GSE1: variants seen among roughly 807,000 people sequenced by gnomAD.
GSE1 encodes genetic suppressor element 1.
GSE1 carries 32 observed loss-of-function variants against 112.6 expected under a neutral mutation model. The ratio of observed to expected loss-of-function variants is 0.28; its 90% CI spans 0.21 to 0.38. The LOEUF is 0.38. GSE1 is among the 10% of genes least tolerant of loss of function. The pLI, the probability that GSE1 is intolerant of heterozygous loss-of-function variation, is 1.00. For synonymous variants in GSE1, 1,115 were observed against 735.6 expected (o/e 1.52, Z -8.35); for missense variants, 2,348 against 1,699.2 (o/e 1.38, Z -6.71).
At chr16:85,438,649 C>T (rs2049307399) in intron 2 of GSE1, among the ~76,000 whole-genome samples, 1 of 152,226 alleles carries the variant, frequency 6.6e-6, no homozygotes, top group Non-Finnish European at 1.5e-5. Flanking sequence ...CTTCCAGAGC[C>T]TGCGTGTCCC....
chr16:85,625,765 G>A (rs1416135187), intron 1 of GSE1, among the ~76,000 whole-genome samples: 1 of 152,196 alleles, frequency 6.6e-6, no homozygotes, highest in Non-Finnish European at 1.5e-5. Context: ...GGTGGCTGCT[G>A]GGGGCCCTAG....
intron 2 of GSE1, among the ~76,000 whole-genome samples, chr16:85,530,398 A>C (rs1464263444): frequency 2.6e-5 from 4 of 152,164 alleles, no homozygotes; most frequent in Non-Finnish European, 5.9e-5. Context: ...CCATCTTGGG[A>C]TATAGGATAC....
In GSE1 at chr16:85,452,733, GGAGAGA is replaced by G. The variant is rs539490488; in HGVS notation, c.2464+95093_2464+95098del. On this transcript the variant is annotated intron_variant, in intron 2 of 2. Transcript: ENST00000637419. ...CCAGAGACCCTCAGCACAGGTCCTG[GGAGAGA>G]GACCCCTGGTGGGCGGTGCAGAACT... Among the ~76,000 whole-genome samples, 1,184 of 152,352 alleles carry G rather than the reference GGAGAGA, an allele frequency of 7.8e-3. 15 individuals carry two copies. Among genetic ancestry groups the G allele is most frequent in the African/African-American group, 0.027 (1,134 of 41,568 alleles).
At chr16:85,518,362 C>G (rs1009635755) in intron 2 of GSE1, among the ~76,000 whole-genome samples, 1 of 152,168 alleles carries the variant, frequency 6.6e-6, no homozygotes, top group South Asian at 2.1e-4. Flanking sequence ...GGTGCCCTGA[C>G]CGCGTGGCCG....
intron 2 of GSE1, among the ~76,000 whole-genome samples, chr16:85,441,386 G>A (rs1442180889): frequency 6.6e-6 from 1 of 152,220 alleles, no homozygotes; most frequent in Non-Finnish European, 1.5e-5. Flanking sequence ...CTGGCGTGGT[G>A]GCTCACGCCT....
intron 2 of GSE1, among the ~76,000 whole-genome samples, chr16:85,397,591 C>G (rs886867530): frequency 6.6e-6 from 1 of 152,204 alleles, no homozygotes; most frequent in African/African-American, 2.4e-5. Context: ...TCCAAAGTCA[C>G]CTTCCATGCA....
intron 5 of GSE1, 124 bp from the exon 6 acceptor site, chr16:85,655,602 A>G (rs2051850384): frequency 3.2e-6 from 2 of 627,870 alleles, no homozygotes; most frequent in Non-Finnish European, 5.6e-6. Context: ...CTTCATCCCC[A>G]GCCATTTTGT....
chr16:85,387,087 C>T (rs72813863), intron 2 of GSE1, among the ~76,000 whole-genome samples: 1 of 152,174 alleles, frequency 6.6e-6, no homozygotes, highest in Non-Finnish European at 1.5e-5. Context: ...TAGTGGGGTG[C>T]CCCTGCCACT....
intron 1 of GSE1, among the ~76,000 whole-genome samples, chr16:85,172,190 T>G (rs1451523980): frequency 6.6e-6 from 1 of 152,134 alleles, no homozygotes; most frequent in Admixed American, 6.5e-5. Context: ...GCCGTGCGGG[T>G]CACAGAGAGG....
At chr16:85,589,763 G>C (rs1168808258) in intron 1 of GSE1, among the ~76,000 whole-genome samples, 5 of 152,252 alleles carry the variant, frequency 3.3e-5, no homozygotes, top group Non-Finnish European at 7.4e-5. Context: ...GTGTGAACTT[G>C]TGTGACATTG....
intron 1 of GSE1, among the ~76,000 whole-genome samples, chr16:85,193,489 T>G (rs1227226911): frequency 6.6e-6 from 1 of 152,124 alleles, no homozygotes; most frequent in Non-Finnish European, 1.5e-5. Flanking sequence ...TGAGTTGGTC[T>G]CACCCTGTCG....
At position 85,672,426 on chromosome 16, in the gene GSE1, A is replaced by G. The variant is rs775407162; in HGVS notation, c.3541A>G (p.Lys1181Glu). 6.2e-7 allele frequency: 1 copy of G among 1,612,464 alleles called. No individual in the cohort carries two copies. The highest frequency in any genetic ancestry group is 8.5e-7 in the Non-Finnish European group (1 of 1,178,790). ...CCAGGAGTTGAGGAGCCAGAAACAG[A>G]AGATGGTCTCAGAAAGGGAGCGGCT... ...SVAELRSQKQKMVSERERLQA... is the reference protein window; with the variant it reads ...SVAELRSQKQEMVSERERLQA... The change falls in exon 16 of 16, where the codon AAG becomes GAG. Residue 1181 changes from lysine (K) to glutamate (E), a missense_variant. Lys to Glu is a moderately conservative substitution (Grantham distance 56). Coordinates refer to ENST00000253458, the MANE Select transcript of GSE1 (RefSeq NM_014615.5).
Position 85,387,920 on chromosome 16 carries a change from G to GTGGATGGA in GSE1, c.2464+30299_2464+30306dup, listed in dbSNP as rs58007210. On this transcript the variant is annotated intron_variant, in intron 2 of 2. Coordinates refer to the GSE1 transcript ENST00000637419. ...GATTTGTGAGTGGATAGGTGGGTGA[G>GTGGATGGA]TGGATGGATGGATGGATGGATGGAT... 7.7e-3 allele frequency among the ~76,000 whole-genome samples: 1,147 copies of GTGGATGGA among 149,048 alleles called. 28 individuals carry two copies. In the East Asian group the frequency reaches 0.093, roughly 12 times the overall value.
chr16:85,507,625 C>T (rs772467506), intron 2 of GSE1, among the ~76,000 whole-genome samples: 9 of 152,184 alleles, frequency 5.9e-5, no homozygotes, highest in African/African-American at 1.2e-4. Flanking sequence ...GGTGTGTGAA[C>T]GCCGTGTTCC....
chr16:85,566,624 G>A (rs1397721288), intron 1 of GSE1, among the ~76,000 whole-genome samples: 4 of 152,154 alleles, frequency 2.6e-5, no homozygotes, highest in East Asian at 1.9e-4. Context: ...CCAGTGCCCC[G>A]AGGCCGATGG....
chr16:85,239,240 G>T (rs1904975367), intron 1 of GSE1, among the ~76,000 whole-genome samples: 1 of 152,150 alleles, frequency 6.6e-6, no homozygotes, highest in African/African-American at 2.4e-5. Context: ...CCTGGCAGTG[G>T]CCTTTTTTAG....
Position 85,654,881 on chromosome 16 carries a change from C to T in GSE1, c.687C>T (p.Asp229=), listed in dbSNP as rs747497580. 2.5e-5 allele frequency: 40 copies of T among 1,611,074 alleles called. No individual in the cohort carries two copies. The highest frequency in any genetic ancestry group is 6.7e-5 in the Admixed American group (4 of 59,984). Residue 229 remains aspartate, a synonymous_variant, in exon 5 of 16, where the codon GAC becomes GAT. Coordinates refer to ENST00000253458, the MANE Select transcript of GSE1 (RefSeq NM_014615.5). ...GCTTCCGGCCCTACCACACCACCGA[C>T]GACCTCCGCATGTCCTCACTGCCTC... ...LRSFRPYHTT[D]DLRMSSLPPL... is the part of the protein sequence containing the mutation.
intron 1 of GSE1, among the ~76,000 whole-genome samples, chr16:85,248,848 C>T (rs1906150434): frequency 6.6e-6 from 1 of 152,130 alleles, no homozygotes; most frequent in African/African-American, 2.4e-5. Context: ...GGAGTCAGTG[C>T]TGAGAGTGGT....
At chr16:85,322,468 G>T (rs16975523) in intron 1 of GSE1, among the ~76,000 whole-genome samples, 2,907 of 152,212 alleles carry the variant, frequency 0.019, 93 homozygotes, top group African/African-American at 0.066. Context: ...TGCAAGCAGT[G>T]ACCAAGGGAC....
Sources: allele counts gnomAD v4.1 joint callset (sites outside exome capture counted in the v4.1 genomes callset), GRCh38; gene constraint gnomAD v4.1.1; transcripts MANE v1.5; gene names NCBI Gene and HGNC (gene_info 2026-07-23, HGNC 2026-07-21).